Variants in WWOX observed in about 807,000 individuals in gnomAD.
The protein encoded by WWOX is WW domain-containing oxidoreductase.
Under a neutral mutation model 46.2 loss-of-function variants are expected in WWOX, and 69 were observed. The ratio of observed to expected loss-of-function variants is 1.49; its 90% confidence interval spans 1.23 to 1.82. WWOX has a LOEUF of 1.82. Ranked by LOEUF, WWOX falls within the 40% of genes most tolerant of loss-of-function variation. The pLI is 0.00. For missense variants in WWOX, 919 were observed against 542.6 expected (o/e 1.69, Z -6.89); for synonymous variants, 359 against 202.6 (o/e 1.77, Z -6.56).
intron 8 of WWOX, among the ~76,000 whole-genome samples, chr16:79,151,655 C>G (rs970915723): frequency 6.7e-6 from 1 of 149,474 alleles, no homozygotes; most frequent in African/African-American, 2.5e-5. Context: ...GCCTGCAGAT[C>G]AGGGGTGCTA....
At chr16:78,392,534 C>T (rs912694521) in intron 6 of WWOX, among the ~76,000 whole-genome samples, 25 of 152,124 alleles carry the variant, frequency 1.6e-4, no homozygotes, top group African/African-American at 5.8e-4. Context: ...TCCTTTGAGT[C>T]TATGGAAAAA....
intron 8 of WWOX, among the ~76,000 whole-genome samples, chr16:78,728,037 T>C (rs532622862): frequency 1.4e-5 from 2 of 146,108 alleles, no homozygotes; most frequent in African/African-American, 5.1e-5. Context: ...CCCTTCCTCT[T>C]TCCTCTCTCC....
chr16:78,613,227 T>A (rs1039587317), intron 8 of WWOX, among the ~76,000 whole-genome samples: 5 of 152,140 alleles, frequency 3.3e-5, no homozygotes, highest in Admixed American at 1.3e-4. Context: ...AGGTCCCATT[T>A]CCTGACATTC....
chr16:78,932,880 C>T (rs1243381248), intron 8 of WWOX, among the ~76,000 whole-genome samples: 1 of 152,190 alleles, frequency 6.6e-6, no homozygotes, highest in East Asian at 1.9e-4. Flanking sequence ...GTCTGGAAGA[C>T]AGATTTAAGT....
At chr16:78,271,059 GTTTA>G (rs1254429625) in intron 5 of WWOX, among the ~76,000 whole-genome samples, 7 of 152,090 alleles carry the variant, frequency 4.6e-5, no homozygotes, top group Non-Finnish European at 2.9e-5. Flanking sequence ...AGATTTTTAG[GTTTA>G]TTTATCGATC....
At chr16:78,713,111 G>C (rs112766513) in intron 8 of WWOX, among the ~76,000 whole-genome samples, 29 of 151,290 alleles carry the variant, frequency 1.9e-4, no homozygotes, top group Non-Finnish European at 4.4e-5. Flanking sequence ...TCTCTACACC[G>C]AATTTAAAAA....
chr16:78,910,472 T>G (rs367733474), intron 8 of WWOX, among the ~76,000 whole-genome samples: 2 of 151,310 alleles, frequency 1.3e-5, no homozygotes, highest in East Asian at 3.9e-4. Flanking sequence ...AACAGTGTGG[T>G]GTTTCATGTT....
At chr16:78,694,006 G>A (rs1360336561) in intron 8 of WWOX, among the ~76,000 whole-genome samples, 1 of 152,096 alleles carries the variant, frequency 6.6e-6, no homozygotes, top group African/African-American at 2.4e-5. Flanking sequence ...GCCGAGGCAG[G>A]TGGATCGGTT....
intron 8 of WWOX, among the ~76,000 whole-genome samples, chr16:79,174,954 A>G (rs569172758): frequency 7.9e-5 from 12 of 152,264 alleles, no homozygotes; most frequent in African/African-American, 2.6e-4. Flanking sequence ...AGGACTTGGT[A>G]TTCTTACCTG....
chr16:79,003,545 C>T (rs980634315), intron 8 of WWOX, among the ~76,000 whole-genome samples: 4 of 152,194 alleles, frequency 2.6e-5, no homozygotes, highest in Admixed American at 6.5e-5. Context: ...TCTCCTCTTG[C>T]AGTGGCTGTT....
chr16:78,152,804 G>A (rs958395034), intron 4 of WWOX, among the ~76,000 whole-genome samples: 4 of 152,188 alleles, frequency 2.6e-5, no homozygotes, highest in African/African-American at 7.2e-5. Flanking sequence ...AAAACATTAC[G>A]GCCTCAGCCT....
intron 8 of WWOX, among the ~76,000 whole-genome samples, chr16:78,603,283 C>T (rs1178571108): frequency 1.3e-5 from 2 of 152,182 alleles, no homozygotes; most frequent in African/African-American, 4.8e-5. Flanking sequence ...CTGGAGGAGC[C>T]AGAAGGTCCC....
In WWOX at chr16:78,941,545, G is replaced by T. The variant is rs77056865; in HGVS notation, c.1057-270063G>T. On this transcript the variant is annotated intron_variant, in intron 8 of 8. Transcript: ENST00000566780. ...AGTCCTGTATGAAGCTGGGGACGGG[G>T]GGATAGAGTTATGAAATGGACCATT... Among the ~76,000 whole-genome samples the T allele has an allele frequency of 9.1e-3, 1,381 of 152,096 alleles. 7 individuals carry two copies. Among genetic ancestry groups the T allele is most frequent in the Middle Eastern group, 0.034 (10 of 294 alleles).
rs886803773 is a variant in WWOX, at chr16:78,957,875, TG to T, written c.1057-253727del. Among the ~76,000 whole-genome samples, 12 of 152,264 alleles carry T rather than the reference TG, an allele frequency of 7.9e-5. 2 individuals are homozygous for T. The highest frequency in any genetic ancestry group is 2.6e-4 in the Admixed American group (4 of 15,290). ...GAATTTGCAGAGAAGAGGCTGGGCG[TG>T]GGGGGACACATGACTAATCCGCCCT... On this transcript the variant is annotated intron_variant, in intron 8 of 8. Transcript: ENST00000566780.
chr16:78,520,618 G>C (rs974956757), intron 8 of WWOX, among the ~76,000 whole-genome samples: 1 of 151,658 alleles, frequency 6.6e-6, no homozygotes, highest in Non-Finnish European at 1.5e-5. Context: ...TCTAGACTGG[G>C]AGTGGGGTGG....
At chr16:78,369,615 A>G (rs76658097) in intron 5 of WWOX, among the ~76,000 whole-genome samples, 2,134 of 152,072 alleles carry the variant, frequency 0.014, 54 homozygotes, top group African/African-American at 0.049. Flanking sequence ...CAAAACTCAA[A>G]GAGGCAAACA....
chr16:78,477,901 G>A (rs2084390823), intron 8 of WWOX, among the ~76,000 whole-genome samples: 1 of 152,018 alleles, frequency 6.6e-6, no homozygotes, highest in African/African-American at 2.4e-5. Context: ...TAAAAGATAT[G>A]GAAAAAGATA....
chr16:78,685,417 A>G (rs540863771), intron 8 of WWOX, among the ~76,000 whole-genome samples: 1 of 152,138 alleles, frequency 6.6e-6, no homozygotes, highest in Non-Finnish European at 1.5e-5. Flanking sequence ...TCTATGGTAG[A>G]TCTTCACCTG....
intron 8 of WWOX, chr16:78,996,376 A>ACCCCCCCCCCCCCCCCCC (rs1338159064): frequency 6.8e-6 from 3 of 438,794 alleles, no homozygotes; most frequent in Admixed American, 2.3e-4. Flanking sequence ...TTCTGCACCC[A>ACCCCCCCCCCCCCCCCCC]CCCCCGCCCC....
Sources: allele counts gnomAD v4.1 joint callset (sites outside exome capture counted in the v4.1 genomes callset), GRCh38; gene constraint gnomAD v4.1.1; transcripts MANE v1.5; gene names NCBI Gene and HGNC (gene_info 2026-07-23, HGNC 2026-07-21).